SH3TC2: variants seen among roughly 807,000 people sequenced by gnomAD.
The protein encoded by SH3TC2 is SH3 domain and tetratricopeptide repeats 2.
Under a neutral mutation model 124.5 loss-of-function variants are expected in SH3TC2, and 87 were observed. The observed-to-expected ratio is 0.70, with a 90% confidence interval of 0.59 to 0.84. SH3TC2 has a LOEUF of 0.84. SH3TC2 is among the 40% of genes least tolerant of loss of function. SH3TC2 has a pLI of 0.00. For missense variants in SH3TC2, 1,536 were observed against 1,566.4 expected (o/e 0.98, Z 0.33); for synonymous variants, 634 against 628.5 (o/e 1.01, Z -0.13).
chr5:149,033,821 A>G (rs1482701024), intron 8 of SH3TC2, among the ~76,000 whole-genome samples: 1 of 152,204 alleles, frequency 6.6e-6, no homozygotes, highest in Non-Finnish European at 1.5e-5. Context: ...CCAAGAATTA[A>G]TAGTAAAAAA....
chr5:149,028,300 C>T lies in SH3TC2; in HGVS notation c.1432G>A (p.Gly478Ser), dbSNP rs778819990. ...AGACTCTTAAAGTGGTCAGCATAAC[C>T]CTCATGATCCAGAAAAGCCAATATG... ...APILAFLDHEGYADHFKSLYD... is the reference protein window; with the variant it reads ...APILAFLDHESYADHFKSLYD... The change falls in exon 11 of 17, where the codon GGT becomes AGT. Residue 478 changes from glycine to serine, a missense_variant. This residue lies in a region of SH3TC2 where 1,102 missense variants were observed against 1,098.6 expected (regional missense o/e 1.00). Coordinates refer to ENST00000515425, the MANE Select transcript of SH3TC2 (RefSeq NM_024577.4). The T allele has an allele frequency of 1.2e-6, 2 of 1,614,028 alleles. No homozygotes were observed. The highest frequency in any genetic ancestry group is 1.3e-5 in the African/African-American group (1 of 75,062).
rs1753367121 is a variant in SH3TC2 at position 148,988,324 on chromosome 5, G to A, written c.*16387C>T. Among the ~76,000 whole-genome samples, 2 of 152,170 alleles carry A rather than the reference G, an allele frequency of 1.3e-5. No individual in the cohort carries two copies. Among genetic ancestry groups the A allele is most frequent in the South Asian group, 4.1e-4 (2 of 4,828 alleles). The stretch of plus-strand genomic sequence containing the variant: ...GCCTTACTATCTAGTCCCCAAGATA[G>A]CCCCAAGTGAACCAGGCTTCCCAGT... On this transcript the variant is annotated 3_prime_UTR_variant, in exon 17 of 17. Transcript: ENST00000515425.
At position 149,042,839 on chromosome 5, in the gene SH3TC2, T is replaced by G. The variant is rs145670786; in HGVS notation, c.386-2A>C. On this transcript the variant is annotated splice_acceptor_variant, in intron 4 of 16. Coordinates refer to ENST00000515425, the MANE Select transcript of SH3TC2 (RefSeq NM_024577.4). LOFTEE classifies it high-confidence loss of function. ...GTTCTAGACACATGGATACGTAGCCTAAGAAGTCAAGCCAACAAGATTTCT... is the reference window on the plus strand; with the variant it reads ...GTTCTAGACACATGGATACGTAGCCGAAGAAGTCAAGCCAACAAGATTTCT... 9.0e-5 allele frequency: 145 copies of G among 1,613,982 alleles called. No homozygotes were observed. The highest frequency in any genetic ancestry group is 1.2e-4 in the Non-Finnish European group (145 of 1,180,036).
At chr5:149,056,105 C>CT (rs377216574) in intron 1 of SH3TC2, among the ~76,000 whole-genome samples, 6,829 of 148,828 alleles carry the variant, frequency 0.046, 216 homozygotes, top group South Asian at 0.071. Flanking sequence ...CCTCAACATT[C>CT]TTTTTTTTTT....
intron 12 of SH3TC2, among the ~76,000 whole-genome samples, chr5:149,022,309 A>C (rs2127395734): frequency 6.6e-6 from 1 of 152,340 alleles, no homozygotes; most frequent in South Asian, 2.1e-4. Context: ...TTAGTCATTA[A>C]GAAAATGTAA....
Position 148,991,314 on chromosome 5 carries a change from G to A in SH3TC2, c.*13397C>T, listed in dbSNP as rs1753416426. 6.6e-6 allele frequency among the ~76,000 whole-genome samples: 1 copy of A among 152,146 alleles called. No homozygotes were observed. The highest frequency in any genetic ancestry group is 6.5e-5 in the Admixed American group (1 of 15,282). ...AGGGCAAAGAAGGTGCTTTCACTAG[G>A]GTAATGTGTACCCCTTGCTGTGCTC... On this transcript the variant is annotated 3_prime_UTR_variant, in exon 17 of 17. Transcript: ENST00000515425.
intron 12 of SH3TC2, among the ~76,000 whole-genome samples, chr5:149,024,074 G>A (rs1051806093): frequency 3.3e-5 from 5 of 152,208 alleles, no homozygotes; most frequent in African/African-American, 9.6e-5. Context: ...TTCCACTCAC[G>A]GCACTGTGAC....
rs759287420 is a variant in SH3TC2, at chr5:149,026,904, T to C, written c.2828A>G (p.Tyr943Cys). The C allele has an allele frequency of 1.2e-6, 2 of 1,614,204 alleles. No individual in the cohort carries two copies. The highest frequency in any genetic ancestry group is 4.5e-5 in the East Asian group (2 of 44,884). Residue 943 changes from tyrosine (Y) to cysteine (C), a missense_variant, in exon 11 of 17, where the codon TAT becomes TGT. Around this residue, in one of 3 missense-constraint regions of SH3TC2, gnomAD observed 426 missense variants for 443.5 expected, o/e 0.96. Coordinates refer to ENST00000515425, the MANE Select transcript of SH3TC2 (RefSeq NM_024577.4). Reference sequence around the variant, plus strand: ...TAAGCCAAACAGCAATGCCATTTCATAACAAAGAAGGCCATGGGTCAGCTG... The same window carrying C: ...TAAGCCAAACAGCAATGCCATTTCACAACAAAGAAGGCCATGGGTCAGCTG... ...GHQLTHGLLCYEMALLFGLRH... is the reference protein window; with the variant it reads ...GHQLTHGLLCCEMALLFGLRH...
chr5:148,988,104 G>C lies in SH3TC2; in HGVS notation c.*16607C>G, dbSNP rs1352296673. 6.6e-6 allele frequency among the ~76,000 whole-genome samples: 1 copy of C among 152,074 alleles called. No homozygotes were observed. The highest frequency in any genetic ancestry group is 2.4e-5 in the African/African-American group (1 of 41,392). On this transcript the variant is annotated 3_prime_UTR_variant, in exon 17 of 17. Coordinates refer to ENST00000515425, the MANE Select transcript of SH3TC2 (RefSeq NM_024577.4). ...CCTGCATGTCTTAAGGACAAGGCTG[G>C]GTTCTTTTGGCCTTACTGGGTAATA...
chr5:149,012,448 C>A, intron 13 of SH3TC2, 136 bp downstream of exon 13: 1 of 1,150,938 alleles, frequency 8.7e-7, no homozygotes, highest in Non-Finnish European at 1.3e-6. Context: ...GGGAGCAGCC[C>A]AGTGTTGACC....
rs905045659 is a variant in SH3TC2 at position 148,995,710 on chromosome 5, T to C, written c.*9001A>G. Among the ~76,000 whole-genome samples, 4 of 152,142 alleles carry C rather than the reference T, an allele frequency of 2.6e-5. No individual in the cohort carries two copies. Among genetic ancestry groups the C allele is most frequent in the Non-Finnish European group, 4.4e-5 (3 of 68,020 alleles). ...TATTCACCCATTCAACAAATCTTTA[T>C]TGAGAGCCTGCCATGCATCAGACAC... On this transcript the variant is annotated 3_prime_UTR_variant, in exon 17 of 17. Transcript: ENST00000515425.
At position 149,050,997 on chromosome 5, in the gene SH3TC2, A is replaced by C. The variant is rs79187446; in HGVS notation, c.151+1145T>G. Reference sequence around the variant, plus strand: ...GCTAAATGGAGATTTGGGTGCTTCCACCTAGCGATGGGCAAGCAAAAATGA... The same window carrying C: ...GCTAAATGGAGATTTGGGTGCTTCCCCCTAGCGATGGGCAAGCAAAAATGA... On this transcript the variant is annotated intron_variant, in intron 2 of 16. Coordinates refer to ENST00000515425, the MANE Select transcript of SH3TC2 (RefSeq NM_024577.4). 2.2e-3 allele frequency among the ~76,000 whole-genome samples: 330 copies of C among 152,154 alleles called. 13 individuals are homozygous for C. The East Asian group carries it at 0.053, about 24-fold the overall frequency.
At chr5:149,029,728 C>T (rs893540912) in intron 9 of SH3TC2, among the ~76,000 whole-genome samples, 1 of 152,136 alleles carries the variant, frequency 6.6e-6, no homozygotes, top group Admixed American at 6.5e-5. Context: ...CCACCAAGTG[C>T]AACCGGACTA....
At position 149,026,625 on chromosome 5, in the gene SH3TC2, T is replaced by G; in HGVS notation, c.3000A>C (p.Glu1000Asp). ...GCCCCAGGGACTCCAGCAGCCTCCC[T>G]TCCATCTCCCGGTCCCTGAGTTGCT... Reference protein sequence around the residue: ...LAQQLRDREMEGRLLESLGQL... With the variant: ...LAQQLRDREMDGRLLESLGQL... The change falls in exon 12 of 17, where the codon GAA becomes GAC. Residue 1000 changes from glutamate (E) to aspartate (D), a missense_variant. By Grantham distance (45) the Glu-to-Asp change is conservative (BLOSUM62 2). Around this residue, in one of 3 missense-constraint regions of SH3TC2, gnomAD observed 426 missense variants for 443.5 expected, o/e 0.96. Coordinates refer to ENST00000515425, the MANE Select transcript of SH3TC2 (RefSeq NM_024577.4). 1.9e-6 allele frequency: 3 copies of G among 1,614,200 alleles called. No individual in the cohort carries two copies. Among genetic ancestry groups the G allele is most frequent in the South Asian group, 2.2e-5 (2 of 91,086 alleles).
Position 149,028,534 on chromosome 5 carries a change from T to G in SH3TC2, c.1198A>C (p.Lys400Gln), listed in dbSNP as rs752234865. 5 of 1,614,026 alleles carry G rather than the reference T, an allele frequency of 3.1e-6. No individual in the cohort carries two copies. Among genetic ancestry groups the G allele is most frequent in the Non-Finnish European group, 4.2e-6 (5 of 1,179,948 alleles). ...DLSASQPEGF[K>Q]EVRPGRAWEE... ...CAGGCTCTGCCAGGCCTGACCTCCT[T>G]GAAACCTTCAGGCTGGGATGCTGTA... The change falls in exon 11 of 17, where the codon AAG becomes CAG. Residue 400 changes from lysine (K) to glutamine (Q), a missense_variant. Around this residue, in one of 3 missense-constraint regions of SH3TC2, gnomAD observed 1,102 missense variants for 1,098.6 expected, o/e 1.00. Coordinates refer to ENST00000515425, the MANE Select transcript of SH3TC2 (RefSeq NM_024577.4).
rs1487215261 is a variant in SH3TC2, at chr5:149,028,050, G to A, written c.1682C>T (p.Ala561Val). The A allele has an allele frequency of 6.2e-7, 1 of 1,614,136 alleles. No individual in the cohort carries two copies. Among genetic ancestry groups the A allele is most frequent in the South Asian group, 1.1e-5 (1 of 91,086 alleles). The change falls in exon 11 of 17, where the codon GCA becomes GTA. Residue 561 changes from alanine (A) to valine (V), a missense_variant. By Grantham distance (64) the Ala-to-Val change is moderately conservative (BLOSUM62 0). Coordinates refer to ENST00000515425, the MANE Select transcript of SH3TC2 (RefSeq NM_024577.4). The part of the protein sequence containing the change: ...FEEAIHILNG[A>V]FEDLSLVATL... ...GGCCACCAAGGATAGGTCCTCAAAT[G>A]CTCCATTGAGAATGTGGATGGCCTC...
chr5:149,042,266 A>T (rs1210869826), intron 5 of SH3TC2, among the ~76,000 whole-genome samples: 1 of 152,238 alleles, frequency 6.6e-6, no homozygotes, highest in African/African-American at 2.4e-5. Flanking sequence ...CCTCACTTTC[A>T]TAAAAAACTT....
Position 149,003,040 on chromosome 5 carries a change from C to T in SH3TC2, c.*1671G>A, listed in dbSNP as rs1753622756. The T allele has an allele frequency of 6.6e-6, 1 of 152,664 alleles. No homozygotes were observed. Among genetic ancestry groups the T allele is most frequent in the Admixed American group, 6.5e-5 (1 of 15,294 alleles). 9.5% of individuals were successfully genotyped at this position (152,664 alleles called of 1,614,324 possible). A position where few individuals can be genotyped will look rare whatever the true frequency, so the allele number is the denominator to read the frequency against. On this transcript the variant is annotated 3_prime_UTR_variant, in exon 17 of 17. Coordinates refer to ENST00000515425, the MANE Select transcript of SH3TC2 (RefSeq NM_024577.4). ...CAGATTTTCATTTCAAACAATCTCA[C>T]AGGTGATGCTGATGCTGCTGGTTAG... is the stretch of plus-strand genomic sequence containing the variant.
rs1754065916 is a variant in SH3TC2 at position 149,026,553 on chromosome 5, G to C, written c.3053+19C>G. 2 of 1,613,272 alleles carry C rather than the reference G, an allele frequency of 1.2e-6. No individual in the cohort carries two copies. Among genetic ancestry groups the C allele is most frequent in the Admixed American group, 1.7e-5 (1 of 60,022 alleles). On this transcript the variant is annotated intron_variant, in intron 12 of 16. Coordinates refer to ENST00000515425, the MANE Select transcript of SH3TC2 (RefSeq NM_024577.4). ...AGGAAGGAAAGCTGCTTCTAGGACA[G>C]TTCCTGACCCTGACTCACCTGGCGG...
Sources: gnomAD v4.1 joint callset for allele counts (sites outside exome capture counted in the v4.1 genomes callset) on GRCh38, gnomAD v4.1.1 for gene constraint, gnomAD v4.1.1 regional missense constraint, MANE v1.5 for transcripts, NCBI Gene and HGNC (gene_info 2026-07-23, HGNC 2026-07-21) for gene names.